The following ITCH variants were observed in gnomAD, a reference collection of about 807,000 sequenced individuals.
The protein encoded by ITCH is E3 ubiquitin-protein ligase Itchy homolog.
ITCH carries 28 observed loss-of-function variants against 126.8 expected under a neutral mutation model. The observed-to-expected ratio is 0.22, with a 90% confidence interval of 0.16 to 0.30. ITCH has a LOEUF of 0.30. Among genes scored for constraint, ITCH ranks in the 10% least tolerant of loss-of-function variants. ITCH has a pLI of 1.00. For synonymous variants in ITCH, 342 were observed against 340.0 expected (o/e 1.01, Z -0.06); for missense variants, 631 against 1,032.4 (o/e 0.61, Z 5.33).
At chr20:34,376,641 T>A (rs1286312069) in intron 2 of ITCH, among the ~76,000 whole-genome samples, 1 of 151,920 alleles carries the variant, frequency 6.6e-6, no homozygotes, top group African/African-American at 2.4e-5. Flanking sequence ...TTTTAGAGGA[T>A]TTGTGTGAGC....
intron 3 of ITCH, chr20:34,401,558 C>T: frequency 2.7e-6 from 2 of 752,332 alleles, no homozygotes; most frequent in South Asian, 6.0e-5. Flanking sequence ...AGGCAACTAA[C>T]TTTCTAAAAG....
Position 34,412,556 on chromosome 20 carries a change from G to A in ITCH, c.254G>A (p.Ser85Asn), listed in dbSNP as rs1396445816. 1.2e-6 allele frequency: 2 copies of A among 1,604,434 alleles called. No homozygotes were observed. The highest frequency in any genetic ancestry group is 1.7e-6 in the Non-Finnish European group (2 of 1,171,418). The change falls in exon 5 of 25, where the codon AGT (serine) becomes AAT (asparagine). Residue 85 changes from serine to asparagine, a missense_variant. Physicochemically the swap from Ser to Asn is conservative, Grantham distance 46 (BLOSUM62 1). Around this residue, in one of 4 missense-constraint regions of ITCH, gnomAD observed 220 missense variants for 265.7 expected, o/e 0.83. Coordinates refer to ENST00000374864, the MANE Select transcript of ITCH (RefSeq NM_031483.7). The part of the protein sequence containing the change: ...PVSKLHFRVW[S>N]HQTLKSDVLL... ...AGTAAATTACATTTTCGTGTGTGGA[G>A]TCACCAGACACTGAAATCTGATGTT... is the stretch of plus-strand genomic sequence containing the variant.
At chr20:34,463,981 C>T (rs547325130) in intron 14 of ITCH, among the ~76,000 whole-genome samples, 27 of 151,678 alleles carry the variant, frequency 1.8e-4, no homozygotes, top group African/African-American at 6.3e-4. Context: ...TTTTTCTTTT[C>T]TTTTCTTTTT....
chr20:34,428,249 G>A (rs1170089801), intron 7 of ITCH, among the ~76,000 whole-genome samples: 1 of 152,172 alleles, frequency 6.6e-6, no homozygotes, highest in African/African-American at 2.4e-5. Flanking sequence ...TTTCTCCTTT[G>A]CTTTTGTTTG....
chr20:34,460,114 C>G (rs144581835), intron 13 of ITCH, among the ~76,000 whole-genome samples: 261 of 152,272 alleles, frequency 1.7e-3, no homozygotes, highest in African/African-American at 5.8e-3. Context: ...AATTGAGAAT[C>G]CTCTTTTTTA....
chr20:34,496,393 G>A (rs1208673627), intron 23 of ITCH, among the ~76,000 whole-genome samples: 1 of 152,180 alleles, frequency 6.6e-6, no homozygotes, highest in Non-Finnish European at 1.5e-5. Flanking sequence ...CCATTCTGCA[G>A]ATTGTCTCTA....
chr20:34,448,986 T>A (rs926118457), intron 11 of ITCH, among the ~76,000 whole-genome samples: 3 of 152,202 alleles, frequency 2.0e-5, no homozygotes, highest in African/African-American at 7.2e-5. Context: ...TCTTTGTATG[T>A]CACATGTTCT....
rs1194731873 is a variant in ITCH at position 34,438,457 on chromosome 20, C to G, written c.522-17C>G. On this transcript the variant is annotated splice_polypyrimidine_tract_variant and intron_variant, in intron 7 of 24. Coordinates refer to ENST00000374864, the MANE Select transcript of ITCH (RefSeq NM_031483.7). ...TTATTTCCCTCTCCCCCTTCCTTTT[C>G]CCCTCTTCTTACCCAGAGTGAGCAC... The G allele has an allele frequency of 6.2e-7, 1 of 1,613,406 alleles. No homozygotes were observed. Among genetic ancestry groups the G allele is most frequent in the Non-Finnish European group, 8.5e-7 (1 of 1,179,522 alleles).
chr20:34,375,696 ATTTTTTTTTTTTTTTT>A lies in ITCH; in HGVS notation c.-22+6246_-22+6261del, dbSNP rs5841171. On this transcript the variant is annotated intron_variant, in intron 2 of 24. Coordinates refer to ENST00000374864, the MANE Select transcript of ITCH (RefSeq NM_031483.7). ...CACTCACAATGTATTGGTAGTTAAA[ATTTTTTTTTTTTTTTT>A]TTTTTTTTTTTTTTTTTTTACCAGT... is the stretch of plus-strand genomic sequence containing the variant. 4.7e-4 allele frequency among the ~76,000 whole-genome samples: 31 copies of A among 65,562 alleles called. No individual in the cohort carries two copies. The Middle Eastern group carries it at 0.043, about 91-fold the overall frequency. 43.0% of individuals were successfully genotyped at this position (65,562 alleles called of 152,430 possible). A position where few individuals can be genotyped will look rare whatever the true frequency, so the allele number is the denominator to read the frequency against.
rs1408067966 is a variant in ITCH, at chr20:34,462,088, C to T, written c.1296-5C>T. ...TTTGTTTATGTTTTTTCCTGTGTTT[C>T]GTAGTCAATTAAATGAAAAGCCCTT... On this transcript the variant is annotated splice_polypyrimidine_tract_variant and splice_region_variant and intron_variant, in intron 13 of 24. Coordinates refer to ENST00000374864, the MANE Select transcript of ITCH (RefSeq NM_031483.7). The T allele has an allele frequency of 9.3e-6, 15 of 1,612,986 alleles. No homozygotes were observed. Among genetic ancestry groups the T allele is most frequent in the African/African-American group, 5.3e-5 (4 of 74,864 alleles).
chr20:34,458,956 A>G (rs11700080), intron 13 of ITCH, among the ~76,000 whole-genome samples: 8,878 of 152,232 alleles, frequency 0.058, 347 homozygotes, highest in Non-Finnish European at 0.087. Flanking sequence ...AATACTATGC[A>G]TTTATCAGAC....
Position 34,489,373 on chromosome 20 carries a change from C to G in ITCH, c.2201C>G (p.Ala734Gly). The G allele has an allele frequency of 6.2e-7, 1 of 1,613,046 alleles. No individual in the cohort carries two copies. The highest frequency in any genetic ancestry group is 8.5e-7 in the Non-Finnish European group (1 of 1,179,400). The change falls in exon 21 of 25, where the codon GCA (alanine) becomes GGA (glycine). Residue 734 changes from alanine (A) to glycine (G), a missense_variant. Transcript: ENST00000374864. ...CAGCAATATTTGCAATACTTTGATG[C>G]AAAGGAATTAGAGGTAATGAATTTT... is the stretch of plus-strand genomic sequence containing the variant. ...LPQQYLQYFD[A>G]KELEVLLCGM...
intron 7 of ITCH, among the ~76,000 whole-genome samples, chr20:34,425,635 T>A (rs1360599408): frequency 1.3e-5 from 2 of 152,214 alleles, no homozygotes; most frequent in Non-Finnish European, 2.9e-5. Flanking sequence ...TACAGTGAGA[T>A]GTTTGTGTAA....
chr20:34,492,998 C>T (rs1989622446), intron 23 of ITCH, among the ~76,000 whole-genome samples: 1 of 152,174 alleles, frequency 6.6e-6, no homozygotes, highest in South Asian at 2.1e-4. Context: ...ACTGGGAGTT[C>T]TTTGAGAAAT....
chr20:34,477,730 A>G, intron 16 of ITCH, 42 bp from the exon 17 acceptor site: 1 of 1,588,640 alleles, frequency 6.3e-7, no homozygotes, highest in Non-Finnish European at 8.6e-7. Flanking sequence ...ACAGTGTTTC[A>G]ATAGCTTTTT....
chr20:34,499,643 T>G (rs933155582), intron 23 of ITCH, among the ~76,000 whole-genome samples: 1 of 151,998 alleles, frequency 6.6e-6, no homozygotes, highest in African/African-American at 2.4e-5. Flanking sequence ...AAAACAACTT[T>G]TCATTTCATC....
At chr20:34,507,551 G>T in intron 24 of ITCH, 144 bp from the exon 25 acceptor site, 5 of 657,386 alleles carry the variant, frequency 7.6e-6, no homozygotes, top group Admixed American at 2.5e-5. Flanking sequence ...CCATTTTTGG[G>T]TTATTTCACT....
At chr20:34,411,767 C>T (rs974436483) in intron 4 of ITCH, among the ~76,000 whole-genome samples, 3 of 152,082 alleles carry the variant, frequency 2.0e-5, no homozygotes, top group African/African-American at 7.2e-5. Flanking sequence ...ATATAGTGCT[C>T]CTAGCTTTCT....
In ITCH at chr20:34,442,259, T is replaced by C. The variant is rs1568945387; in HGVS notation, c.921T>C (p.Val307=). 6.2e-7 allele frequency: 1 copy of C among 1,613,988 alleles called. No homozygotes were observed. The highest frequency in any genetic ancestry group is 2.2e-5 in the East Asian group (1 of 44,868). Residue 307 remains valine (V), a synonymous_variant, in exon 10 of 25, where the codon GTT becomes GTC. Transcript: ENST00000374864. ...QHGRVYYVDH[V]EKRTTWDRPE... ...GGCGAGTTTACTATGTAGATCATGT[T>C]GAGAAAAGAACAACATGGGATAGAC...
Sources: gnomAD v4.1 joint callset for allele counts (sites outside exome capture counted in the v4.1 genomes callset) on GRCh38, gnomAD v4.1.1 for gene constraint, gnomAD v4.1.1 regional missense constraint, MANE v1.5 for transcripts, NCBI Gene and HGNC (gene_info 2026-07-23, HGNC 2026-07-21) for gene names.